The following CTPS2 variants were observed in gnomAD, a reference collection of about 807,000 sequenced individuals.
The protein encoded by CTPS2 is CTP synthase 2, also known as CTP synthase II.
CTPS2 carries 19 observed loss-of-function variants against 46.8 expected under a neutral mutation model. The ratio of observed to expected loss-of-function variants is 0.41; its 90% CI spans 0.28 to 0.60. The LOEUF (loss-of-function observed/expected upper bound fraction) is 0.60, where lower values mean the gene tolerates loss of function less well. Among genes scored for constraint, CTPS2 ranks in the 20% least tolerant of loss-of-function variants. The pLI is 0.35. For missense variants in CTPS2, 286 were observed against 447.6 expected, an observed-to-expected ratio of 0.64 and a Z score of 3.26; for synonymous variants, 151 against 165.2, an observed-to-expected ratio of 0.91 and a Z score of 0.66.
Position 16,693,414 on chromosome X carries a change from T to G in CTPS2, c.512A>C (p.Lys171Thr). 1 of 1,210,313 alleles carries G rather than the reference T, an allele frequency of 8.3e-7. No homozygotes were observed. The highest frequency in any genetic ancestry group is 1.1e-6 in the Non-Finnish European group (1 of 894,283). The change falls in exon 5 of 19, where the codon AAA (lysine) becomes ACA (threonine). Residue 171 changes from lysine to threonine, a missense_variant. Coordinates refer to ENST00000359276, the MANE Select transcript of CTPS2 (RefSeq NM_175859.3). The stretch of plus-strand genomic sequence containing the variant: ...GTGGATATTACAGAAATTCTCTCTT[T>G]TCGCCTTAAACTGGAATTGTCTAAA... ...EAFRQFQFKA[K>T]RENFCNIHVS...
At chrX:16,606,519 AC>A (rs1161208902) in intron 17 of CTPS2, among the ~76,000 whole-genome samples, 1 of 111,541 alleles carries the variant, frequency 9.0e-6, no homozygotes, top group African/African-American at 3.3e-5. Flanking sequence ...GTAATAAACA[AC>A]CCCTGTGTGT....
At chrX:16,677,380 C>T (rs5980313) in intron 10 of CTPS2, among the ~76,000 whole-genome samples, 12,088 of 111,191 alleles carry the variant, frequency 0.11, 930 homozygotes, top group African/African-American at 0.27. Flanking sequence ...CGCCATCTGA[C>T]GCTTTCTGAC....
At chrX:16,689,744 C>A in intron 7 of CTPS2, 143 bp from the exon 8 acceptor site, 1 of 474,247 alleles carries the variant, frequency 2.1e-6, no homozygotes, top group South Asian at 5.6e-5. Flanking sequence ...ACCCAGCAAC[C>A]AAAGCTAGCA....
intron 16 of CTPS2, among the ~76,000 whole-genome samples, chrX:16,613,561 G>A (rs1273351663): frequency 9.0e-6 from 1 of 110,571 alleles, no homozygotes; most frequent in South Asian, 3.9e-4. Flanking sequence ...TGATAGTCTA[G>A]GAGAATGGTT....
chrX:16,694,143 G>A (rs1421699700), intron 4 of CTPS2, among the ~76,000 whole-genome samples: 2 of 111,665 alleles, frequency 1.8e-5, no homozygotes, highest in Non-Finnish European at 3.8e-5. Flanking sequence ...CAGCCTGGGC[G>A]ACAGAGCGAG....
chrX:16,666,697 TGC>T (rs1376250606), intron 13 of CTPS2, among the ~76,000 whole-genome samples: 1 of 111,330 alleles, frequency 9.0e-6, no homozygotes, highest in Non-Finnish European at 1.9e-5. Context: ...GGAATCAGGA[TGC>T]CATGGGATGA....
chrX:16,710,531 T>C (rs1009360696), intron 1 of CTPS2, among the ~76,000 whole-genome samples: 8 of 112,495 alleles, frequency 7.1e-5, no homozygotes, highest in African/African-American at 2.6e-4. Flanking sequence ...AAACACAAGA[T>C]ACCTTTTTAA....
chrX:16,679,492 G>C lies in CTPS2; in HGVS notation c.1006-1042C>G, dbSNP rs753842059. On this transcript the variant is annotated intron_variant, in intron 9 of 18. Transcript: ENST00000359276. Reference sequence around the variant, plus strand: ...CCTCAAAAAAGGCCCCACCCAGCGAGAGGACAGACCTGATTGGTTGGAGGA... The same window carrying C: ...CCTCAAAAAAGGCCCCACCCAGCGACAGGACAGACCTGATTGGTTGGAGGA... Among the ~76,000 whole-genome samples, 22 of 112,019 alleles carry C rather than the reference G, an allele frequency of 2.0e-4. No individual in the cohort carries two copies. In the East Asian group the frequency reaches 6.2e-3, roughly 31 times the overall value.
chrX:16,628,564 C>A (rs1478557341), intron 14 of CTPS2, among the ~76,000 whole-genome samples: 1 of 110,823 alleles, frequency 9.0e-6, no homozygotes, highest in African/African-American at 3.3e-5. Flanking sequence ...CGGGGTTTCT[C>A]CATGTTGGCC....
intron 13 of CTPS2, among the ~76,000 whole-genome samples, chrX:16,655,790 TC>T (rs1202341955): frequency 1.8e-5 from 2 of 110,576 alleles, no homozygotes; most frequent in Non-Finnish European, 3.8e-5. Context: ...TTTTTCTTTT[TC>T]TTTTTTTTTC....
At chrX:16,612,643 A>G (rs1428848269) in intron 16 of CTPS2, among the ~76,000 whole-genome samples, 1 of 112,381 alleles carries the variant, frequency 8.9e-6, no homozygotes, top group Non-Finnish European at 1.9e-5. Flanking sequence ...GGGCATTTCC[A>G]TCAGAAAGAC....
chrX:16,671,097 G>C (rs931116295), intron 10 of CTPS2, among the ~76,000 whole-genome samples: 1 of 111,937 alleles, frequency 8.9e-6, no homozygotes, highest in East Asian at 2.8e-4. Flanking sequence ...TAATTAAGTA[G>C]TGGCAAATGA....
At chrX:16,613,269 G>A (rs1431196039) in intron 16 of CTPS2, among the ~76,000 whole-genome samples, 3 of 111,923 alleles carry the variant, frequency 2.7e-5, no homozygotes, top group Non-Finnish European at 3.8e-5. Context: ...CACACCCTTA[G>A]TACTCAATAT....
rs767107043 is a variant in CTPS2, at chrX:16,601,011, A to G, written c.1691+8530T>C. On this transcript the variant is annotated intron_variant, in intron 17 of 18. Coordinates refer to ENST00000359276, the MANE Select transcript of CTPS2 (RefSeq NM_175859.3). ...TTACTCAATAAGCAGCAGACGCAGA[A>G]GTAAAATCCATAGCATCTACCCTAC... 4.5e-5 allele frequency among the ~76,000 whole-genome samples: 5 copies of G among 111,553 alleles called. No homozygotes were observed. In the South Asian group the frequency reaches 1.9e-3, roughly 42 times the overall value.
chrX:16,641,458 G>A (rs191748925), intron 13 of CTPS2, among the ~76,000 whole-genome samples: 296 of 112,683 alleles, frequency 2.6e-3, no homozygotes, highest in African/African-American at 8.9e-3. Flanking sequence ...AGCCAACTAA[G>A]AACAGGAGGC....
At chrX:16,607,476 C>T (rs935259579) in intron 17 of CTPS2, among the ~76,000 whole-genome samples, 13 of 112,815 alleles carry the variant, frequency 1.2e-4, no homozygotes, top group Non-Finnish European at 1.5e-4. Context: ...GCTCCCGCAG[C>T]AGCCCAGACT....
intron 17 of CTPS2, among the ~76,000 whole-genome samples, chrX:16,596,016 A>G (rs1300067703): frequency 9.0e-6 from 1 of 110,983 alleles, no homozygotes; most frequent in Non-Finnish European, 1.9e-5. Flanking sequence ...CTACAGGCAC[A>G]TGCCACCGTG....
chrX:16,666,831 G>A (rs905337308), intron 13 of CTPS2, among the ~76,000 whole-genome samples: 8 of 111,496 alleles, frequency 7.2e-5, no homozygotes, highest in African/African-American at 1.3e-4. Flanking sequence ...AATCACTGTC[G>A]CTTTTGTTTT....
At chrX:16,695,002 A>AAAC (rs10651987) in intron 4 of CTPS2, among the ~76,000 whole-genome samples, 57,048 of 106,845 alleles carry the variant, frequency 0.53, 13,226 homozygotes, top group African/African-American at 0.84. Context: ...TCTCTTTAAA[A>AAAC]AACAACAACA....
Sources: allele counts gnomAD v4.1 joint callset (sites outside exome capture counted in the v4.1 genomes callset), GRCh38; gene constraint gnomAD v4.1.1; transcripts MANE v1.5; gene names NCBI Gene and HGNC (gene_info 2026-07-23, HGNC 2026-07-21).